Variants in PLEKHM2 observed in about 807,000 individuals in gnomAD.
PLEKHM2 encodes pleckstrin homology and RUN domain containing M2, also known as pleckstrin homology domain-containing family M member 2.
Under a neutral mutation model 116.3 loss-of-function variants are expected in PLEKHM2, and 77 were observed. The observed-to-expected ratio is 0.66, with a 90% CI of 0.55 to 0.80. The LOEUF (loss-of-function observed/expected upper bound fraction) is 0.80, where lower values mean the gene tolerates loss of function less well. PLEKHM2 is among the 30% of genes least tolerant of loss of function. The pLI is 0.00. For synonymous variants in PLEKHM2, 562 were observed against 571.0 expected (o/e 0.98, Z 0.22); for missense variants, 1,183 against 1,354.9 (o/e 0.87, Z 1.99).
chr1:15,733,983 G>C lies in PLEKHM2; in HGVS notation c.*49G>C, dbSNP rs1347153801. On this transcript the variant is annotated 3_prime_UTR_variant, in exon 20 of 20. Transcript: ENST00000375799. ...GTGGGCAGGAAAGGAAGGCACGCCA[G>C]CCGGCAGGCACACTGTCACGGCTGT... 2.5e-6 allele frequency: 4 copies of C among 1,574,686 alleles called. No individual in the cohort carries two copies. The highest frequency in any genetic ancestry group is 3.4e-6 in the Non-Finnish European group (4 of 1,159,692).
At chr1:15,732,922 C>A (rs2068167299) in intron 19 of PLEKHM2, among the ~76,000 whole-genome samples, 194 bp downstream of exon 19, 1 of 152,244 alleles carries the variant, frequency 6.6e-6, no homozygotes, top group Admixed American at 6.5e-5. Flanking sequence ...CCAGAAGAGT[C>A]CTCACTGTCC....
intron 8 of PLEKHM2, 73 bp from the exon 9 acceptor site, chr1:15,726,941 C>T (rs1289892414): frequency 4.8e-6 from 5 of 1,045,280 alleles, no homozygotes; most frequent in Non-Finnish European, 6.7e-6. Context: ...GCATTGCCAC[C>T]GTGACCCAGC....
chr1:15,733,788 C>A lies in PLEKHM2; in HGVS notation c.2923-9C>A. ...GGCCCTCATCTGTTCTCTGCACGCC[C>A]CAACACAGGTGGACCTCCCCCACAC... On this transcript the variant is annotated splice_polypyrimidine_tract_variant and intron_variant, in intron 19 of 19. Coordinates refer to ENST00000375799, the MANE Select transcript of PLEKHM2 (RefSeq NM_015164.4). 6.2e-7 allele frequency: 1 copy of A among 1,612,434 alleles called. No individual in the cohort carries two copies. Among genetic ancestry groups the A allele is most frequent in the Non-Finnish European group, 8.5e-7 (1 of 1,179,520 alleles).
At chr1:15,720,482 C>T in intron 6 of PLEKHM2, 1 of 985,200 alleles carries the variant, frequency 1.0e-6, no homozygotes, top group Non-Finnish European at 1.2e-6. Context: ...GAGGAAGAAG[C>T]TGCAGGTCAT....
Position 15,728,439 on chromosome 1 carries a change from A to C in PLEKHM2, c.1921+82A>C. On this transcript the variant is annotated intron_variant, in intron 11 of 19. Transcript: ENST00000375799. This position sits in a 1 kb window ranked among gnomAD's most constrained non-coding sequence, Gnocchi z 5.9. The stretch of plus-strand genomic sequence containing the variant: ...TTTTCCCCAGTCCCCTTGCCCTCTG[A>C]GTGCCTCCCGGCTGCCTGGCATGCA... The C allele has an allele frequency of 7.7e-7, 1 of 1,301,656 alleles. No homozygotes were observed. Among genetic ancestry groups the C allele is most frequent in the Non-Finnish European group, 1.1e-6 (1 of 926,090 alleles). The allele number at this position is 1,301,656 out of a possible 1,614,324, so 80.6% of individuals were successfully genotyped here. A position where few individuals can be genotyped will look rare whatever the true frequency, so the allele number is the denominator to read the frequency against.
At chr1:15,681,593 G>A, upstream of PLEKHM2, 1 of 475,192 alleles carries the variant, frequency 2.1e-6, no homozygotes, top group Non-Finnish European at 4.2e-6. Flanking sequence ...TTGGGGGACT[G>A]CATTTTCATG....
Position 15,696,740 on chromosome 1 carries a change from C to T in PLEKHM2, c.60+12122C>T, listed in dbSNP as rs972376084. Among the ~76,000 whole-genome samples the T allele has an allele frequency of 3.9e-5, 6 of 152,208 alleles. No individual in the cohort carries two copies. The East Asian group carries it at 5.8e-4, about 15-fold the overall frequency. On this transcript the variant is annotated intron_variant, in intron 1 of 19. Coordinates refer to ENST00000375799, the MANE Select transcript of PLEKHM2 (RefSeq NM_015164.4). ...GCAAATCCTACCAAGCTCCTTCCCC[C>T]GTGGGGCAGACATTCTGGAAGAGGA...
At chr1:15,702,279 G>A (rs962647319) in intron 1 of PLEKHM2, among the ~76,000 whole-genome samples, 4 of 152,186 alleles carry the variant, frequency 2.6e-5, no homozygotes, top group Non-Finnish European at 5.9e-5. Flanking sequence ...AGGACTCAGT[G>A]GACCAAGAGG....
rs2067968566 is a variant in PLEKHM2, at chr1:15,720,010, A to G, written c.652+90A>G. On this transcript the variant is annotated intron_variant, in intron 6 of 19. Transcript: ENST00000375799. ...TGGCTGGGTGATGTCTTCCTTGGCT[A>G]GTTTTGGTCTGGTGGCTGAAATTTG... The G allele has an allele frequency of 2.7e-6, 3 of 1,119,598 alleles. No homozygotes were observed. In the East Asian group the frequency reaches 8.0e-5, roughly 30 times the overall value. The allele number at this position is 1,119,598 out of a possible 1,614,324, so 69.4% of individuals were successfully genotyped here.
chr1:15,712,980 T>C (rs1469712244), intron 1 of PLEKHM2, among the ~76,000 whole-genome samples: 1 of 152,188 alleles, frequency 6.6e-6, no homozygotes, highest in East Asian at 1.9e-4. Context: ...TTTGTATTTT[T>C]AGTAGAGACG....
chr1:15,717,669 G>A (rs1641473587), intron 3 of PLEKHM2, among the ~76,000 whole-genome samples: 1 of 152,192 alleles, frequency 6.6e-6, no homozygotes, highest in African/African-American at 2.4e-5. Context: ...CCTGTCTGAA[G>A]TGTGCAGTCT....
At chr1:15,696,694 C>T (rs1019501584) in intron 1 of PLEKHM2, among the ~76,000 whole-genome samples, 4 of 152,188 alleles carry the variant, frequency 2.6e-5, no homozygotes, top group African/African-American at 9.7e-5. Context: ...GCACTCTTCT[C>T]GTCATAGGAA....
At chr1:15,731,813 G>C (rs528835994) in intron 16 of PLEKHM2, 76 bp from the exon 17 acceptor site, 1 of 1,338,422 alleles carries the variant, frequency 7.5e-7, no homozygotes, top group Non-Finnish European at 1.0e-6. Context: ...CGCACACCCC[G>C]CACCAACCCT....
At position 15,684,364 on chromosome 1, in the gene PLEKHM2, T is replaced by C; in HGVS notation, c.-195T>C. On this transcript the variant is annotated 5_prime_UTR_variant, in exon 1 of 20. Transcript: ENST00000375799. ...TCCCCGCCGGCCGCGCTCCGGAGCCTCCGGGCCGCGGTGGAGCGAGGGCCC... is the reference window on the plus strand; with the variant it reads ...TCCCCGCCGGCCGCGCTCCGGAGCCCCCGGGCCGCGGTGGAGCGAGGGCCC... The C allele has an allele frequency of 6.2e-6, 1 of 160,842 alleles. No homozygotes were observed. Among genetic ancestry groups the C allele is most frequent in the East Asian group, 2.0e-4 (1 of 4,964 alleles). 10.0% of individuals were successfully genotyped at this position (160,842 alleles called of 1,614,324 possible). A position where few individuals can be genotyped will look rare whatever the true frequency, so the allele number is the denominator to read the frequency against.
In PLEKHM2 at chr1:15,721,390, TG is replaced by T; in HGVS notation, c.712+5del. 6.4e-7 allele frequency: 1 copy of T among 1,556,978 alleles called. No homozygotes were observed. Among genetic ancestry groups the T allele is most frequent in the Non-Finnish European group, 8.7e-7 (1 of 1,145,516 alleles). On this transcript the variant is annotated splice_donor_region_variant and intron_variant, in intron 7 of 19. Transcript: ENST00000375799. The surrounding 1 kb of genome is among the most constrained non-coding windows in gnomAD (Gnocchi z 5.1). The stretch of plus-strand genomic sequence containing the variant: ...CTGTACCCAGCACAGACTGGGAAGG[TG>T]GGCCAGAGTCCGCTGTTACCCTCTT...
At chr1:15,699,459 T>A (rs1243840665) in intron 1 of PLEKHM2, among the ~76,000 whole-genome samples, 1 of 152,180 alleles carries the variant, frequency 6.6e-6, no homozygotes, top group Non-Finnish European at 1.5e-5. Flanking sequence ...TTTCTGTCCT[T>A]GTGATAGTTT....
At position 15,689,502 on chromosome 1, in the gene PLEKHM2, T is replaced by C. The variant is rs1444906293; in HGVS notation, c.60+4884T>C. ...GACACAAACGCAGGCTTCAGCGGTA[T>C]GCAGACTTGGGTCTGGGTTTGTAAC... On this transcript the variant is annotated intron_variant, in intron 1 of 19. Transcript: ENST00000375799. 2.0e-5 allele frequency among the ~76,000 whole-genome samples: 3 copies of C among 152,196 alleles called. No individual in the cohort carries two copies. The East Asian group carries it at 5.8e-4, about 29-fold the overall frequency.
In PLEKHM2 at chr1:15,732,629, C is replaced by G. The variant is rs749682801; in HGVS notation, c.2823C>G (p.Ser941Arg). 39 of 1,603,762 alleles carry G rather than the reference C, an allele frequency of 2.4e-5. No individual in the cohort carries two copies. The Admixed American group carries it at 5.1e-4, about 21-fold the overall frequency. The part of the protein sequence containing the change: ...EYCVLEFSQD[S>R]QQLLPPWVIY... ...CTCCCTAGGAGTTCTCCCAGGACAG[C>G]CAGCAGCTCCTCCCGCCCTGGGTCA... Residue 941 changes from serine (S) to arginine (R), a missense_variant, in exon 19 of 20, where the codon AGC becomes AGG. Ser to Arg is a moderately radical substitution (Grantham distance 110, BLOSUM62 -1). Transcript: ENST00000375799.
At chr1:15,706,196 C>T (rs886218563) in intron 1 of PLEKHM2, among the ~76,000 whole-genome samples, 5 of 152,182 alleles carry the variant, frequency 3.3e-5, no homozygotes, top group African/African-American at 9.7e-5. Context: ...CAAAGCCCCT[C>T]GCACGGCCTG....
Sources: gnomAD v4.1 joint callset for allele counts (sites outside exome capture counted in the v4.1 genomes callset) on GRCh38, gnomAD v4.1.1 for gene constraint, Gnocchi (gnomAD v3.1) non-coding constraint, MANE v1.5 for transcripts, NCBI Gene and HGNC (gene_info 2026-07-23, HGNC 2026-07-21) for gene names.